Variants in CACNA2D4 observed in about 807,000 individuals in gnomAD.
CACNA2D4 encodes the protein calcium voltage-gated channel auxiliary subunit alpha2delta 4, also known as voltage-dependent calcium channel subunit alpha-2/delta-4.
Under a neutral mutation model 163.8 loss-of-function variants are expected in CACNA2D4, and 157 were observed. The ratio of observed to expected loss-of-function variants is 0.96; its 90% confidence interval spans 0.84 to 1.09. CACNA2D4 has a LOEUF of 1.09. Ranked by LOEUF, CACNA2D4 falls within the 50% of genes least tolerant of loss-of-function variation. The pLI is 0.00. For synonymous variants in CACNA2D4, 598 were observed against 586.9 expected (o/e 1.02, Z -0.27); for missense variants, 1,410 against 1,479.9 (o/e 0.95, Z 0.78).
chr12:1,918,516 C>A lies in CACNA2D4; in HGVS notation c.-43G>T, dbSNP rs916496555. ...CTCCCAGACCCCAGGACGCCCCAGGCCTTTGTCTTCCGTGCCTTGGCGAGC... is the reference window on the plus strand; with the variant it reads ...CTCCCAGACCCCAGGACGCCCCAGGACTTTGTCTTCCGTGCCTTGGCGAGC... On this transcript the variant is annotated 5_prime_UTR_variant, in exon 1 of 38. Coordinates refer to ENST00000382722, the MANE Select transcript of CACNA2D4 (RefSeq NM_172364.5). 5.4e-6 allele frequency: 8 copies of A among 1,492,512 alleles called. No homozygotes were observed. Among genetic ancestry groups the A allele is most frequent in the Non-Finnish European group, 7.3e-6 (8 of 1,101,088 alleles). The allele number at this position is 1,492,512 out of a possible 1,614,324, so 92.5% of individuals were successfully genotyped here. A position where few individuals can be genotyped will look rare whatever the true frequency, so the allele number is the denominator to read the frequency against.
At chr12:1,823,547 C>A (rs970144170) in intron 26 of CACNA2D4, among the ~76,000 whole-genome samples, 1 of 152,034 alleles carries the variant, frequency 6.6e-6, no homozygotes, top group Non-Finnish European at 1.5e-5. Flanking sequence ...ACTGGGGCCT[C>A]CTGCTCCCCC....
At chr12:1,857,685 G>A (rs945758396) in intron 20 of CACNA2D4, among the ~76,000 whole-genome samples, 4 of 152,132 alleles carry the variant, frequency 2.6e-5, no homozygotes, top group Non-Finnish European at 5.9e-5. Context: ...AGGAGGGATG[G>A]GGTTGGATGG....
At chr12:1,855,977 G>A (rs966360983) in intron 22 of CACNA2D4, 35 bp downstream of exon 22, 1 of 1,552,530 alleles carries the variant, frequency 6.4e-7, no homozygotes, top group Non-Finnish European at 8.9e-7. Context: ...GGGCCCCAGA[G>A]GAAAAGCTTG....
intron 26 of CACNA2D4, among the ~76,000 whole-genome samples, chr12:1,812,838 G>A (rs1432081306): frequency 6.6e-6 from 1 of 152,204 alleles, no homozygotes; most frequent in Admixed American, 6.5e-5. Flanking sequence ...TGTCTGCTCA[G>A]GCTCGGGTTT....
At chr12:1,801,404 T>G (rs925599938) in intron 30 of CACNA2D4, among the ~76,000 whole-genome samples, 170 bp downstream of exon 30, 2 of 152,180 alleles carry the variant, frequency 1.3e-5, no homozygotes, top group Admixed American at 6.5e-5. Flanking sequence ...CCTTACGCCC[T>G]CCCCACATCA....
At chr12:1,794,663 C>T (rs576929972) in intron 37 of CACNA2D4, among the ~76,000 whole-genome samples, 1 of 152,290 alleles carries the variant, frequency 6.6e-6, no homozygotes, top group South Asian at 2.1e-4. Flanking sequence ...GCAGGTCAGG[C>T]GGCTGAGTGG....
chr12:1,845,653 C>T (rs1006199699), intron 24 of CACNA2D4, among the ~76,000 whole-genome samples: 54 of 152,236 alleles, frequency 3.5e-4, no homozygotes, highest in African/African-American at 1.2e-3. Flanking sequence ...TCCTGGGTTG[C>T]GAAGCGGCAG....
At chr12:1,862,900 T>C (rs1865555345) in intron 18 of CACNA2D4, among the ~76,000 whole-genome samples, 1 of 152,238 alleles carries the variant, frequency 6.6e-6, no homozygotes, top group South Asian at 2.1e-4. Flanking sequence ...ATTTTCTTAC[T>C]GGTGCCTTTT....
At chr12:1,830,797 A>G in intron 26 of CACNA2D4, 1 of 682,166 alleles carries the variant, frequency 1.5e-6, no homozygotes, top group South Asian at 2.0e-5. Flanking sequence ...TGGTTAATAA[A>G]CGTTTATGCA....
Position 1,826,642 on chromosome 12 carries a change from TG to T in CACNA2D4, c.2551+14096del, listed in dbSNP as rs1256188759. On this transcript the variant is annotated intron_variant, in intron 26 of 37. Coordinates refer to ENST00000382722, the MANE Select transcript of CACNA2D4 (RefSeq NM_172364.5). ...TCGGCAGACTGGCACCCTCGCTGCG[TG>T]GGGGAAGGGGAGGAAAGACAGCCGA... 2.0e-5 allele frequency among the ~76,000 whole-genome samples: 3 copies of T among 152,022 alleles called. No individual in the cohort carries two copies. The East Asian group carries it at 5.8e-4, about 29-fold the overall frequency.
intron 19 of CACNA2D4, among the ~76,000 whole-genome samples, chr12:1,859,178 A>G (rs926756821): frequency 6.6e-6 from 1 of 152,120 alleles, no homozygotes; most frequent in Non-Finnish European, 1.5e-5. Context: ...GCGAGACCCC[A>G]GCTCTAAAAT....
chr12:1,892,730 A>G (rs1035360168), intron 6 of CACNA2D4, among the ~76,000 whole-genome samples: 45 of 152,204 alleles, frequency 3.0e-4, no homozygotes, highest in Non-Finnish European at 1.2e-4. Context: ...GACCAACTAT[A>G]TGCTGCCTAG....
chr12:1,817,942 C>A (rs1005784624), intron 26 of CACNA2D4, among the ~76,000 whole-genome samples: 2 of 151,938 alleles, frequency 1.3e-5, no homozygotes, highest in African/African-American at 4.9e-5. Flanking sequence ...CGCCTGGCCG[C>A]CCATCGTCTG....
At chr12:1,826,408 C>CT (rs1433632144) in intron 26 of CACNA2D4, among the ~76,000 whole-genome samples, 1 of 60,040 alleles carries the variant, frequency 1.7e-5, no homozygotes, top group Non-Finnish European at 4.5e-5. Context: ...GAGCCCCCCC[C>CT]CCCCCCCCGC....
intron 35 of CACNA2D4, among the ~76,000 whole-genome samples, chr12:1,796,792 C>G (rs974412335): frequency 6.6e-6 from 1 of 152,192 alleles, no homozygotes; most frequent in Non-Finnish European, 1.5e-5. Flanking sequence ...CGCCGCATTC[C>G]CAGCGTGGGG....
intron 18 of CACNA2D4, among the ~76,000 whole-genome samples, chr12:1,867,004 G>C (rs1865666106): frequency 6.6e-6 from 1 of 152,064 alleles, no homozygotes; most frequent in South Asian, 2.1e-4. Flanking sequence ...AATTTGAGTA[G>C]ACAGTTTTTT....
Position 1,901,245 on chromosome 12 carries a change from A to T in CACNA2D4, c.781+6195T>A, listed in dbSNP as rs142770181. Among the ~76,000 whole-genome samples, 3 of 152,276 alleles carry T rather than the reference A, an allele frequency of 2.0e-5. No individual in the cohort carries two copies. In the East Asian group the frequency reaches 5.8e-4, roughly 29 times the overall value. ...GTAGCTTTACGTGTCTACATCAAGAAAGTAGAAAATCTTTAAATAATCTAA... is the reference window on the plus strand; with the variant it reads ...GTAGCTTTACGTGTCTACATCAAGATAGTAGAAAATCTTTAAATAATCTAA... On this transcript the variant is annotated intron_variant, in intron 6 of 37. Coordinates refer to ENST00000382722, the MANE Select transcript of CACNA2D4 (RefSeq NM_172364.5).
intron 35 of CACNA2D4, among the ~76,000 whole-genome samples, chr12:1,796,130 C>T (rs920040152): frequency 2.0e-5 from 3 of 152,244 alleles, no homozygotes; most frequent in Non-Finnish European, 2.9e-5. Context: ...GCAACACTTG[C>T]TCTGGGTGAG....
chr12:1,902,231 A>C (rs1866554949), intron 6 of CACNA2D4, among the ~76,000 whole-genome samples: 1 of 152,048 alleles, frequency 6.6e-6, no homozygotes, highest in South Asian at 2.1e-4. Context: ...TAAAAACCAT[A>C]TACAACAGAC....
Sources: allele counts gnomAD v4.1 joint callset (sites outside exome capture counted in the v4.1 genomes callset), GRCh38; gene constraint gnomAD v4.1.1; transcripts MANE v1.5; gene names NCBI Gene and HGNC (gene_info 2026-07-23, HGNC 2026-07-21).